Variants in GLB1L observed in about 807,000 individuals in gnomAD.
GLB1L encodes galactosidase beta 1 like, also known as beta-galactosidase-1-like protein.
A neutral mutation model predicts 75.7 loss-of-function variants in GLB1L; 58 were observed. The observed-to-expected ratio is 0.77, with a 90% CI of 0.62 to 0.95. GLB1L has a LOEUF of 0.95. Among genes scored for constraint, GLB1L ranks in the 40% least tolerant of loss-of-function variants. The pLI is 0.00. For synonymous variants in GLB1L, 296 were observed against 303.0 expected (o/e 0.98, Z 0.24); for missense variants, 797 against 805.5 (o/e 0.99, Z 0.13).
At chr2:219,238,614 A>G in intron 12 of GLB1L, 30 bp from the exon 13 acceptor site, 2 of 1,605,308 alleles carry the variant, frequency 1.2e-6, no homozygotes, top group Non-Finnish European at 1.7e-6. Context: ...GAATTAGAAT[A>G]TCAGGGAAGT....
chr2:219,242,916 T>TA lies in GLB1L; in HGVS notation c.241dup (p.Tyr81LeufsTer15). ...TGGCTCGTGGTAGTTCCAGGGCACA[T>TA]AACTGAGAAAGGAAGAGGTTAATAG... On this transcript the variant is annotated frameshift_variant and splice_region_variant, in exon 4 of 17. Transcript: ENST00000295759. LOFTEE classifies it high-confidence loss of function. 6.2e-6 allele frequency: 10 copies of TA among 1,614,102 alleles called. No homozygotes were observed. The highest frequency in any genetic ancestry group is 8.5e-6 in the Non-Finnish European group (10 of 1,180,018).
intron 15 of GLB1L, 31 bp downstream of exon 15, chr2:219,237,795 C>T (rs759507639): frequency 2.5e-6 from 4 of 1,613,318 alleles, no homozygotes; most frequent in Non-Finnish European, 3.4e-6. Flanking sequence ...TTAATCAAGC[C>T]CTGGGATATA....
intron 13 of GLB1L, 39 bp from the exon 14 acceptor site, chr2:219,238,402 T>C: frequency 6.4e-7 from 1 of 1,562,418 alleles, no homozygotes. Context: ...CAAACAGAAA[T>C]AAAAGAGGAC....
rs1314022820 is a variant in GLB1L at position 219,242,590 on chromosome 2, A to C, written c.391-16T>G. 1 of 1,610,590 alleles carries C rather than the reference A, an allele frequency of 6.2e-7. No homozygotes were observed. The highest frequency in any genetic ancestry group is 1.7e-5 in the Admixed American group (1 of 59,974). On this transcript the variant is annotated splice_polypyrimidine_tract_variant and intron_variant, in intron 4 of 16. Coordinates refer to ENST00000295759, the MANE Select transcript of GLB1L (RefSeq NM_001286423.2). ...GGAGACCCCCCTGAGACAAACATAA[A>C]GAGAACAAAGAAGCATGTAGGTTTT... is the stretch of plus-strand genomic sequence containing the variant.
In GLB1L at chr2:219,238,763, A is replaced by G; in HGVS notation, c.1079T>C (p.Leu360Ser). The change falls in exon 12 of 17, where the codon TTG becomes TCG. Residue 360 changes from leucine to serine, a missense_variant. Transcript: ENST00000295759. ...GGGGCTCGGGGGAGGTAAAGGTCCC[A>G]AAGGAACTTCCTGGAACTGAGCCCA... ...DVISKFQEVP[L>S]GPLPPPSPKM... The G allele has an allele frequency of 6.2e-7, 1 of 1,613,788 alleles. No individual in the cohort carries two copies. The highest frequency in any genetic ancestry group is 8.5e-7 in the Non-Finnish European group (1 of 1,179,852).
rs1398374041 is a variant in GLB1L, at chr2:219,242,587, T to C, written c.391-13A>G. Reference sequence around the variant, plus strand: ...ATGGGAGACCCCCCTGAGACAAACATAAAGAGAACAAAGAAGCATGTAGGT... The same window carrying C: ...ATGGGAGACCCCCCTGAGACAAACACAAAGAGAACAAAGAAGCATGTAGGT... On this transcript the variant is annotated splice_polypyrimidine_tract_variant and intron_variant, in intron 4 of 16. Transcript: ENST00000295759. The C allele has an allele frequency of 6.2e-7, 1 of 1,611,040 alleles. No homozygotes were observed. Among genetic ancestry groups the C allele is most frequent in the Non-Finnish European group, 8.5e-7 (1 of 1,177,478 alleles).
chr2:219,239,240 CAT>C, intron 10 of GLB1L, 30 bp from the exon 11 acceptor site: 1 of 1,568,968 alleles, frequency 6.4e-7, no homozygotes, highest in Non-Finnish European at 8.8e-7. Context: ...ATTAATTCAA[CAT>C]GTATTTCAGA....
chr2:219,239,003 C>T, intron 11 of GLB1L, 89 bp downstream of exon 11: 1 of 999,938 alleles, frequency 1.0e-6, no homozygotes, highest in Non-Finnish European at 1.5e-6. Flanking sequence ...AGACAATAAC[C>T]ACCAATTTAT....
At position 219,239,799 on chromosome 2, in the gene GLB1L, CCGAAG is replaced by C. The variant is rs2125054825; in HGVS notation, c.751_755del (p.Leu251GlufsTer3). The C allele has an allele frequency of 6.2e-7, 1 of 1,614,198 alleles. No homozygotes were observed. The highest frequency in any genetic ancestry group is 2.2e-5 in the East Asian group (1 of 44,884). On this transcript the variant is annotated frameshift_variant, in exon 8 of 17. Transcript: ENST00000295759. LOFTEE classifies it high-confidence loss of function. ...CCAATGGCCCATGGGGTTCATACTT[CCGAAG>C]CAGGGTAAAGATTTTGGTCATGTTG...
At chr2:219,244,024 T>TGGGGGA (rs1951467418) in intron 1 of GLB1L, 1 of 2,990 alleles carries the variant, frequency 3.3e-4, no homozygotes, top group Non-Finnish European at 7.6e-4. Context: ...GGGGTGGGGG[T>TGGGGGA]GGGGGTGGGG....
intron 16 of GLB1L, 61 bp from the exon 17 acceptor site, chr2:219,237,408 C>T: frequency 6.3e-7 from 1 of 1,598,598 alleles, no homozygotes; most frequent in Admixed American, 1.7e-5. Context: ...GGGGTAGAAT[C>T]ATACCCTTTT....
In GLB1L at chr2:219,237,162, A is replaced by G. The variant is rs750644392; in HGVS notation, c.1875T>C (p.Asn625=). 6 of 1,613,972 alleles carry G rather than the reference A, an allele frequency of 3.7e-6. No homozygotes were observed. Among genetic ancestry groups the G allele is most frequent in the Admixed American group, 3.3e-5 (2 of 59,998 alleles). The change falls in exon 17 of 17, where the codon AAT becomes AAC. Residue 625 remains asparagine (N), a synonymous_variant. Coordinates refer to ENST00000295759, the MANE Select transcript of GLB1L (RefSeq NM_001286423.2). The stretch of plus-strand genomic sequence containing the variant: ...GTGTCCTGTGCAAAGTACTAGTGCT[A>G]TTGAGGATAGGCTTATCCAAAAATT... ...QVQFLDKPIL[N]STSTLHRTHI...
chr2:219,239,537 A>G, intron 9 of GLB1L, 24 bp downstream of exon 9: 1 of 1,614,128 alleles, frequency 6.2e-7, no homozygotes, highest in Non-Finnish European at 8.5e-7. Flanking sequence ...ACAGATTCAT[A>G]TTGCCCCCAG....
At position 219,238,567 on chromosome 2, in the gene GLB1L, A is replaced by G. The variant is rs1403959272; in HGVS notation, c.1155T>C (p.Ala385=). The change falls in exon 13 of 17, where the codon GCT becomes GCC. Residue 385 remains alanine, a synonymous_variant. Transcript: ENST00000295759. ...VTLHLVGHLL[A]FLDLLCPRGP... ...CACGGGGGCAAAGCAAGTCTAGGAAAGCCAGTAAATGCCCAACCTATTAGA... is the reference window on the plus strand; with the variant it reads ...CACGGGGGCAAAGCAAGTCTAGGAAGGCCAGTAAATGCCCAACCTATTAGA... 1 of 1,613,956 alleles carries G rather than the reference A, an allele frequency of 6.2e-7. No individual in the cohort carries two copies. The highest frequency in any genetic ancestry group is 8.5e-7 in the Non-Finnish European group (1 of 1,179,930).
intron 5 of GLB1L, 103 bp downstream of exon 5, chr2:219,242,411 T>C: frequency 1.2e-6 from 1 of 850,830 alleles, no homozygotes; most frequent in Admixed American, 1.7e-5. Context: ...ACTTGGTAAA[T>C]GAATGATGAC....
intron 3 of GLB1L, 69 bp from the exon 4 acceptor site, chr2:219,242,987 T>C: frequency 6.3e-7 from 1 of 1,595,926 alleles, no homozygotes; most frequent in Admixed American, 1.7e-5. Flanking sequence ...GCTCAGGCCT[T>C]GCAGGGAATC....
rs745492119 is a variant in GLB1L, at chr2:219,237,112, G to T, written c.1925C>A (p.Thr642Lys). ...CTCCATTGGTTCAGAGGCACTCAGT[G>T]TATCAGCTGAAAGGGAATTGATATG... ...RTHINSLSAD[T>K]LSASEPMELS... Residue 642 changes from threonine to lysine, a missense_variant, in exon 17 of 17, where the codon ACA (threonine) becomes AAA (lysine). Physicochemically the swap from Thr to Lys is moderately conservative, Grantham distance 78 (BLOSUM62 -1). Transcript: ENST00000295759. The T allele has an allele frequency of 6.2e-7, 1 of 1,612,900 alleles. No homozygotes were observed. Among genetic ancestry groups the T allele is most frequent in the Non-Finnish European group, 8.5e-7 (1 of 1,178,896 alleles).
intron 11 of GLB1L, 89 bp from the exon 12 acceptor site, chr2:219,238,868 C>A: frequency 1.7e-6 from 2 of 1,184,114 alleles, no homozygotes; most frequent in Non-Finnish European, 1.2e-6. Context: ...TAACCTGGGG[C>A]CCAGGGAAGG....
chr2:219,241,436 G>GTATATATA lies in GLB1L; in HGVS notation c.451+1077_451+1078insTATATATA, dbSNP rs1382396720. 6.3e-3 allele frequency among the ~76,000 whole-genome samples: 534 copies of GTATATATA among 84,220 alleles called. 4 individuals are homozygous for GTATATATA. Among genetic ancestry groups the GTATATATA allele is most frequent in the East Asian group, 0.024 (43 of 1,778 alleles). The allele number at this position is 84,220 out of a possible 152,430, so 55.3% of individuals were successfully genotyped here. ...TATGTGTGTGTGTGTGTGTGTGTGT[G>GTATATATA]TGTGTGTATATATATATATATATAT... On this transcript the variant is annotated intron_variant, in intron 5 of 16. Transcript: ENST00000295759.
Sources: gnomAD v4.1 joint callset for allele counts (sites outside exome capture counted in the v4.1 genomes callset) on GRCh38, gnomAD v4.1.1 for gene constraint, MANE v1.5 for transcripts, NCBI Gene and HGNC (gene_info 2026-07-23, HGNC 2026-07-21) for gene names.